THSD4: variants seen among roughly 807,000 people sequenced by gnomAD.
The protein encoded by THSD4 is thrombospondin type 1 domain containing 4.
A neutral mutation model predicts 119.0 loss-of-function variants in THSD4; 69 were observed. The observed-to-expected ratio is 0.58, with a 90% CI of 0.48 to 0.71. The LOEUF (loss-of-function observed/expected upper bound fraction) is 0.71, where lower values mean the gene tolerates loss of function less well. THSD4 is among the 30% of genes least tolerant of loss of function. The probability of loss-of-function intolerance (pLI) is 0.00; values close to 1 mark genes in which losing one functional copy is unlikely to be tolerated. For missense variants in THSD4, 1,393 were observed against 1,391.1 expected, an observed-to-expected ratio of 1.00 and a Z score of -0.02; for synonymous variants, 524 against 540.4, an observed-to-expected ratio of 0.97 and a Z score of 0.42.
intron 8 of THSD4, among the ~76,000 whole-genome samples, chr15:71,668,706 T>C (rs1475453812): frequency 3.3e-5 from 5 of 152,214 alleles, no homozygotes; most frequent in African/African-American, 7.2e-5. Flanking sequence ...TCTGACTCTG[T>C]AGAACTTAGC....
intron 7 of THSD4, among the ~76,000 whole-genome samples, chr15:71,502,964 C>T (rs1567011444): frequency 1.3e-5 from 2 of 152,278 alleles, no homozygotes; most frequent in South Asian, 4.1e-4. Flanking sequence ...AACTTAGATA[C>T]GGTTGCATTA....
At chr15:71,476,241 C>CT (rs950812082) in intron 7 of THSD4, among the ~76,000 whole-genome samples, 9 of 151,920 alleles carry the variant, frequency 5.9e-5, no homozygotes, top group Non-Finnish European at 8.8e-5. Context: ...CTGTATATTC[C>CT]TTTTTTTTGA....
At chr15:71,488,295 T>C (rs1279186138) in intron 7 of THSD4, among the ~76,000 whole-genome samples, 3 of 152,260 alleles carry the variant, frequency 2.0e-5, no homozygotes, top group African/African-American at 7.2e-5. Flanking sequence ...CTGGCATACA[T>C]GCCACCTGAT....
At chr15:71,749,497 G>A (rs2053403724) in intron 14 of THSD4, among the ~76,000 whole-genome samples, 1 of 152,106 alleles carries the variant, frequency 6.6e-6, no homozygotes, top group Admixed American at 6.5e-5. Context: ...ATGAGGACAT[G>A]ATTGGCTATC....
chr15:71,639,987 G>A (rs2050823790), intron 7 of THSD4, among the ~76,000 whole-genome samples: 1 of 152,096 alleles, frequency 6.6e-6, no homozygotes. Context: ...TTTCAGTAAA[G>A]ATAGGTCAAG....
chr15:71,715,459 T>C (rs1180646606), intron 8 of THSD4, among the ~76,000 whole-genome samples: 1 of 152,220 alleles, frequency 6.6e-6, no homozygotes, highest in African/African-American at 2.4e-5. Context: ...AATTTTTGTT[T>C]AATTACCCGA....
At chr15:71,494,567 G>T (rs1215887868) in intron 7 of THSD4, among the ~76,000 whole-genome samples, 1 of 144,126 alleles carries the variant, frequency 6.9e-6, no homozygotes, top group Non-Finnish European at 1.5e-5. Flanking sequence ...GCCACCACAC[G>T]ATGGACCCCA....
At chr15:71,162,959 G>T (rs1177069861) in intron 3 of THSD4, among the ~76,000 whole-genome samples, 3 of 151,762 alleles carry the variant, frequency 2.0e-5, no homozygotes, top group African/African-American at 7.3e-5. Context: ...AAATTCATTA[G>T]CTCTAAGATT....
chr15:71,623,619 T>G (rs1567067673), intron 7 of THSD4, among the ~76,000 whole-genome samples: 1 of 152,034 alleles, frequency 6.6e-6, no homozygotes, highest in Non-Finnish European at 1.5e-5. Context: ...ATCAAAAAAG[T>G]TTAAAATCTA....
chr15:71,695,041 G>A (rs771598548), intron 8 of THSD4, among the ~76,000 whole-genome samples: 3 of 152,056 alleles, frequency 2.0e-5, no homozygotes, highest in Non-Finnish European at 2.9e-5. Flanking sequence ...TCTCCTCACG[G>A]CCCTCTTTCC....
At chr15:71,172,791 A>G (rs1040819874) in intron 3 of THSD4, among the ~76,000 whole-genome samples, 1 of 145,844 alleles carries the variant, frequency 6.9e-6, no homozygotes, top group Non-Finnish European at 1.5e-5. Flanking sequence ...AATAATGCTG[A>G]AACAATTGGA....
At chr15:71,540,971 CCT>C (rs1328586537) in intron 7 of THSD4, among the ~76,000 whole-genome samples, 6 of 152,206 alleles carry the variant, frequency 3.9e-5, no homozygotes, top group African/African-American at 1.4e-4. Flanking sequence ...GATCCACCCA[CCT>C]CAGCCTCCCA....
At chr15:71,732,317 A>G (rs1440964839) in intron 10 of THSD4, 2 of 152,206 alleles carry the variant, frequency 1.3e-5, no homozygotes, top group African/African-American at 2.4e-5. Flanking sequence ...ATAAGACAAG[A>G]ATAATGAGTT....
chr15:71,140,601 C>T (rs1286023437), intron 1 of THSD4, among the ~76,000 whole-genome samples: 2 of 152,168 alleles, frequency 1.3e-5, no homozygotes, highest in African/African-American at 2.4e-5. Flanking sequence ...CTGAGGGTGA[C>T]GCTGCCCCAG....
chr15:71,614,217 G>A (rs974693160), intron 7 of THSD4, among the ~76,000 whole-genome samples: 8 of 152,124 alleles, frequency 5.3e-5, no homozygotes, highest in African/African-American at 1.7e-4. Flanking sequence ...GGAAGAATTC[G>A]ACCCACTTCT....
intron 4 of THSD4, among the ~76,000 whole-genome samples, chr15:71,226,050 C>T (rs965146908): frequency 2.6e-5 from 4 of 152,024 alleles, no homozygotes; most frequent in Admixed American, 2.6e-4. Flanking sequence ...CTTGTAGAAA[C>T]CCCTGGGCTG....
intron 6 of THSD4, among the ~76,000 whole-genome samples, chr15:71,374,249 A>C (rs151134430): frequency 3.9e-4 from 59 of 152,340 alleles, no homozygotes; most frequent in African/African-American, 1.4e-3. Flanking sequence ...CAAAGCACTC[A>C]GTTCATTTTC....
intron 7 of THSD4, among the ~76,000 whole-genome samples, chr15:71,605,257 C>T (rs34084960): frequency 0.089 from 13,531 of 152,224 alleles, 815 homozygotes; most frequent in Middle Eastern, 0.17. Context: ...ATTTTGTTTG[C>T]CTGGGACCAT....
rs545485421 is a variant in THSD4 at position 71,694,944 on chromosome 15, G to A, written c.1358-33605G>A. On this transcript the variant is annotated intron_variant, in intron 8 of 17. Coordinates refer to ENST00000261862, the MANE Select transcript of THSD4 (RefSeq NM_024817.3). ...CCCACAGGAGATGGAGAGGTGTGCC[G>A]AGGAACCAGCAGTGCATGTGATGGC... is the stretch of plus-strand genomic sequence containing the variant. Among the ~76,000 whole-genome samples the A allele has an allele frequency of 7.2e-5, 11 of 152,250 alleles. No individual in the cohort carries two copies. The South Asian group carries it at 1.5e-3, about 20-fold the overall frequency.
Sources: allele counts gnomAD v4.1 joint callset (sites outside exome capture counted in the v4.1 genomes callset), GRCh38; gene constraint gnomAD v4.1.1; transcripts MANE v1.5; gene names NCBI Gene and HGNC (gene_info 2026-07-23, HGNC 2026-07-21).